PTPRD: variants seen among roughly 807,000 people sequenced by gnomAD.
PTPRD encodes the protein protein tyrosine phosphatase receptor type D.
PTPRD carries 34 observed loss-of-function variants against 214.5 expected under a neutral mutation model. That is an observed-to-expected ratio of 0.16 (90% CI 0.12 to 0.21). The LOEUF (loss-of-function observed/expected upper bound fraction) is 0.21. Ranked by LOEUF, PTPRD falls within the 10% of genes least tolerant of loss-of-function variation. The pLI, the probability that PTPRD is intolerant of heterozygous loss-of-function variation, is 1.00. For synonymous variants in PTPRD, 1,128 were observed against 845.7 expected, an observed-to-expected ratio of 1.33 and a Z score of -5.79; for missense variants, 2,545 against 2,398.7, an observed-to-expected ratio of 1.06 and a Z score of -1.27.
chr9:9,820,775 G>A (rs1005171436), intron 5 of PTPRD, among the ~76,000 whole-genome samples: 4 of 151,934 alleles, frequency 2.6e-5, no homozygotes, highest in African/African-American at 9.7e-5. Context: ...CAGCTTCATT[G>A]TATATCAGAT....
intron 14 of PTPRD, among the ~76,000 whole-genome samples, chr9:8,608,735 G>C (rs2095334213): frequency 6.6e-6 from 1 of 152,054 alleles, no homozygotes; most frequent in East Asian, 1.9e-4. Context: ...CTTTGAAAAT[G>C]CACCGAAAAA....
At chr9:8,742,193 G>A (rs1474909398) in intron 11 of PTPRD, among the ~76,000 whole-genome samples, 2 of 151,944 alleles carry the variant, frequency 1.3e-5, no homozygotes, top group Non-Finnish European at 2.9e-5. Flanking sequence ...ATTACAATAG[G>A]ATCTTATCCT....
chr9:8,793,048 G>A (rs1339309785), intron 11 of PTPRD, among the ~76,000 whole-genome samples: 1 of 152,176 alleles, frequency 6.6e-6, no homozygotes, highest in East Asian at 1.9e-4. Context: ...GTAAGGTCCT[G>A]TAGCGCTTTA....
chr9:8,398,640 G>C (rs2091764458), intron 36 of PTPRD, among the ~76,000 whole-genome samples: 1 of 152,126 alleles, frequency 6.6e-6, no homozygotes, highest in Non-Finnish European at 1.5e-5. Context: ...GTGGGATTAG[G>C]ATCCTTATAA....
chr9:10,437,970 C>T (rs1169610450), intron 2 of PTPRD, among the ~76,000 whole-genome samples: 1 of 137,958 alleles, frequency 7.2e-6, no homozygotes, highest in Admixed American at 7.2e-5. Flanking sequence ...TGTACAGAGA[C>T]AACACAGCAT....
chr9:8,339,682 A>T (rs1850564832), intron 42 of PTPRD, among the ~76,000 whole-genome samples: 1 of 152,126 alleles, frequency 6.6e-6, no homozygotes, highest in Non-Finnish European at 1.5e-5. Context: ...ATTTACACAA[A>T]GAAGACAGAA....
intron 10 of PTPRD, among the ~76,000 whole-genome samples, chr9:9,132,633 C>T (rs1483921366): frequency 6.6e-6 from 1 of 152,158 alleles, no homozygotes; most frequent in Non-Finnish European, 1.5e-5. Flanking sequence ...AGAAGTCAGT[C>T]TCTTTCTAAT....
intron 10 of PTPRD, among the ~76,000 whole-genome samples, chr9:9,030,551 C>T (rs2099601943): frequency 6.6e-6 from 1 of 151,628 alleles, no homozygotes; most frequent in Admixed American, 6.6e-5. Flanking sequence ...TTAAAATATA[C>T]CATGCATAAA....
At chr9:8,518,558 C>A in intron 20 of PTPRD, 129 bp from the exon 21 acceptor site, 1 of 701,284 alleles carries the variant, frequency 1.4e-6, no homozygotes, top group Non-Finnish European at 2.2e-6. Context: ...GAAATTATAG[C>A]AAAGAGTAGT....
intron 9 of PTPRD, among the ~76,000 whole-genome samples, chr9:9,261,639 T>G (rs1268979501): frequency 8.0e-6 from 1 of 124,798 alleles, no homozygotes; most frequent in Non-Finnish European, 1.7e-5. Flanking sequence ...TGTGTGCATG[T>G]GCATGCACGT....
At chr9:8,521,189 T>G in intron 20 of PTPRD, 88 bp downstream of exon 20, 2 of 1,414,926 alleles carry the variant, frequency 1.4e-6, no homozygotes, top group Non-Finnish European at 1.9e-6. Context: ...ATGAATTATT[T>G]TAGATTTTCA....
At chr9:8,759,274 A>AC (rs2094244621) in intron 11 of PTPRD, among the ~76,000 whole-genome samples, 1 of 150,592 alleles carries the variant, frequency 6.6e-6, no homozygotes, top group African/African-American at 2.4e-5. Context: ...CTGATGTTGA[A>AC]CTCCTGGCCT....
At chr9:8,976,414 C>G (rs538006167) in intron 11 of PTPRD, among the ~76,000 whole-genome samples, 2 of 151,894 alleles carry the variant, frequency 1.3e-5, no homozygotes, top group African/African-American at 4.8e-5. Context: ...TTTTGCTGTG[C>G]CAAGTTAATA....
chr9:9,800,141 C>T (rs1422632260), intron 5 of PTPRD, among the ~76,000 whole-genome samples: 2 of 152,104 alleles, frequency 1.3e-5, no homozygotes, highest in Admixed American at 1.3e-4. Flanking sequence ...GCATACCACA[C>T]TCTTTTGGGA....
chr9:10,511,913 T>C (rs1172788012), intron 2 of PTPRD, among the ~76,000 whole-genome samples: 5 of 122,374 alleles, frequency 4.1e-5, no homozygotes, highest in Admixed American at 8.2e-5. Flanking sequence ...CATATATATA[T>C]ACGTGTATAT....
At chr9:9,201,076 T>C (rs1437638134) in intron 9 of PTPRD, among the ~76,000 whole-genome samples, 1 of 152,180 alleles carries the variant, frequency 6.6e-6, no homozygotes, top group Admixed American at 6.5e-5. Context: ...TGAATAAATA[T>C]ATGGAAAATC....
chr9:9,233,686 G>T (rs2099964622), intron 9 of PTPRD, among the ~76,000 whole-genome samples: 1 of 152,186 alleles, frequency 6.6e-6, no homozygotes, highest in East Asian at 1.9e-4. Flanking sequence ...CCAAATGGGA[G>T]AAATAGACCA....
At chr9:8,441,042 C>T (rs1001949936) in intron 34 of PTPRD, among the ~76,000 whole-genome samples, 1 of 152,100 alleles carries the variant, frequency 6.6e-6, no homozygotes, top group Non-Finnish European at 1.5e-5. Context: ...GGGGCAAAGT[C>T]TCCACAGATG....
chr9:10,557,901 G>T (rs1193156443), intron 2 of PTPRD, among the ~76,000 whole-genome samples: 1 of 152,084 alleles, frequency 6.6e-6, no homozygotes, highest in Non-Finnish European at 1.5e-5. Context: ...TTATCATCAG[G>T]ACTGTTTTAA....
Sources: gnomAD v4.1 joint callset for allele counts (sites outside exome capture counted in the v4.1 genomes callset) on GRCh38, gnomAD v4.1.1 for gene constraint, MANE v1.5 for transcripts, NCBI Gene and HGNC (gene_info 2026-07-23, HGNC 2026-07-21) for gene names.